The following LONP2 variants were observed in gnomAD, a reference collection of about 807,000 sequenced individuals.
The protein encoded by LONP2 is lon peptidase 2, peroxisomal.
In LONP2, 60 loss-of-function variants were observed where a neutral mutation model predicts 85.6. That is an observed-to-expected ratio of 0.70 (90% CI 0.57 to 0.87). The LOEUF is 0.87. LONP2 is among the 40% of genes least tolerant of loss of function. LONP2 has a pLI of 0.00. For synonymous variants in LONP2, 395 were observed against 389.7 expected (o/e 1.01, Z -0.16); for missense variants, 860 against 1,063.5 (o/e 0.81, Z 2.66).
rs553879354 is a variant in LONP2, at chr16:48,286,655, C to T, written c.1383+9176C>T. ...GAGTAGCTGGGACTACAGGCACACA[C>T]CAGCATGCCTGGCCAATTTTTTGTA... On this transcript the variant is annotated intron_variant, in intron 8 of 14. Coordinates refer to ENST00000285737, the MANE Select transcript of LONP2 (RefSeq NM_031490.5). Among the ~76,000 whole-genome samples, 11 of 152,124 alleles carry T rather than the reference C, an allele frequency of 7.2e-5. No homozygotes were observed. In the South Asian group the frequency reaches 2.3e-3, roughly 32 times the overall value.
intron 12 of LONP2, chr16:48,345,280 GTAT>G (rs1959926355): frequency 6.6e-6 from 1 of 152,170 alleles, no homozygotes; most frequent in Non-Finnish European, 1.5e-5. Flanking sequence ...GATACTTTTG[GTAT>G]TATTTTGACA....
At chr16:48,348,025 T>C (rs1357204307) in intron 13 of LONP2, 75 bp from the exon 14 acceptor site, 1 of 1,357,248 alleles carries the variant, frequency 7.4e-7, no homozygotes, top group African/African-American at 1.5e-5. Context: ...CATTTTTGTT[T>C]GTGACTTTTT....
At chr16:48,319,115 A>G (rs1973209009) in intron 11 of LONP2, among the ~76,000 whole-genome samples, 1 of 152,026 alleles carries the variant, frequency 6.6e-6, no homozygotes. Flanking sequence ...CATGGTGACT[A>G]ATGCCTGTAA....
chr16:48,327,560 C>T (rs755744865), intron 11 of LONP2, among the ~76,000 whole-genome samples: 5 of 152,036 alleles, frequency 3.3e-5, no homozygotes, highest in African/African-American at 1.2e-4. Flanking sequence ...CGGGTTCAAG[C>T]GATTCTCATG....
chr16:48,302,928 AT>A (rs1273408815), intron 10 of LONP2, among the ~76,000 whole-genome samples: 44 of 152,330 alleles, frequency 2.9e-4, no homozygotes, highest in African/African-American at 1.0e-3. Context: ...ACTAGGGTTC[AT>A]TTTTAAGTGT....
At chr16:48,297,208 G>C (rs866954228) in intron 9 of LONP2, among the ~76,000 whole-genome samples, 1 of 152,180 alleles carries the variant, frequency 6.6e-6, no homozygotes, top group African/African-American at 2.4e-5. Context: ...ATGTTGGCCA[G>C]TCTGGCCTCG....
At chr16:48,340,052 T>A (rs991076339) in intron 12 of LONP2, among the ~76,000 whole-genome samples, 1 of 152,208 alleles carries the variant, frequency 6.6e-6, no homozygotes, top group Non-Finnish European at 1.5e-5. Context: ...CCCAGGGTGA[T>A]AGCAGGGGCT....
intron 8 of LONP2, among the ~76,000 whole-genome samples, chr16:48,281,190 C>G (rs1262890470): frequency 2.0e-5 from 3 of 152,114 alleles, no homozygotes; most frequent in Non-Finnish European, 2.9e-5. Context: ...TAAATATACA[C>G]TAGAGTGCTT....
chr16:48,342,579 T>C (rs1434875420), intron 12 of LONP2, among the ~76,000 whole-genome samples: 1 of 152,222 alleles, frequency 6.6e-6, no homozygotes, highest in East Asian at 1.9e-4. Flanking sequence ...TTCTCAGCAA[T>C]GCAAGCATCA....
chr16:48,282,949 C>T (rs867891164), intron 8 of LONP2, among the ~76,000 whole-genome samples: 2 of 152,202 alleles, frequency 1.3e-5, no homozygotes, highest in Admixed American at 6.5e-5. Context: ...ATTAGAAATG[C>T]TATTCCAGTG....
intron 8 of LONP2, among the ~76,000 whole-genome samples, chr16:48,292,653 C>CACAAGAATTTGTGCTGA: frequency 6.6e-6 from 1 of 152,328 alleles, no homozygotes; most frequent in South Asian, 2.1e-4. Context: ...TTCTTAACAC[C>CACAAGAATTTGTGCTGA]AATCACAGAT....
intron 3 of LONP2, among the ~76,000 whole-genome samples, chr16:48,257,204 G>A (rs1011442244): frequency 2.0e-5 from 3 of 152,024 alleles, no homozygotes; most frequent in African/African-American, 7.3e-5. Context: ...CCAGCTACTC[G>A]AGAGGCTGAG....
chr16:48,334,643 A>G (rs2151024947), intron 12 of LONP2: 1 of 611,822 alleles, frequency 1.6e-6, no homozygotes, highest in East Asian at 3.4e-5. Flanking sequence ...TCACAGGCAC[A>G]GCATCAGGCG....
chr16:48,274,152 C>T (rs1312284228), intron 7 of LONP2, among the ~76,000 whole-genome samples: 1 of 152,076 alleles, frequency 6.6e-6, no homozygotes, highest in Non-Finnish European at 1.5e-5. Context: ...ATTTTAAGGC[C>T]TCAACCCAAG....
chr16:48,349,649 C>T (rs1158587243), intron 14 of LONP2, among the ~76,000 whole-genome samples: 1 of 152,076 alleles, frequency 6.6e-6, no homozygotes, highest in Non-Finnish European at 1.5e-5. Context: ...GAGAAAACCT[C>T]CTTTGAGAAC....
rs201723319 is a variant in LONP2 at position 48,315,963 on chromosome 16, ATT to A, written c.1795+12678_1795+12679del. The stretch of plus-strand genomic sequence containing the variant: ...TGAAGTTCTTAATTACCATATTGTA[ATT>A]TTTTTTTTTTTTTTTTTTTACTTTT... On this transcript the variant is annotated intron_variant, in intron 11 of 14. Transcript: ENST00000285737. Among the ~76,000 whole-genome samples, 400 of 107,590 alleles carry A rather than the reference ATT, an allele frequency of 3.7e-3. 3 individuals carry two copies. The highest frequency in any genetic ancestry group is 0.013 in the African/African-American group (358 of 27,380). The allele number at this position is 107,590 out of a possible 152,430, so 70.6% of individuals were successfully genotyped here.
chr16:48,248,191 A>G (rs1403379325), intron 1 of LONP2, among the ~76,000 whole-genome samples: 1 of 151,830 alleles, frequency 6.6e-6, no homozygotes, highest in Admixed American at 6.6e-5. Flanking sequence ...GTGCCATCTC[A>G]GCTCACTGCA....
At chr16:48,284,302 AG>A (rs1452860952) in intron 8 of LONP2, among the ~76,000 whole-genome samples, 1 of 152,260 alleles carries the variant, frequency 6.6e-6, no homozygotes, top group South Asian at 2.1e-4. Context: ...AGGCAGCAAC[AG>A]GGTTTGAAAG....
chr16:48,316,966 A>C (rs1228683767), intron 11 of LONP2, among the ~76,000 whole-genome samples: 1 of 152,068 alleles, frequency 6.6e-6, no homozygotes, highest in Non-Finnish European at 1.5e-5. Context: ...TACAGTACCA[A>C]CCTGTCACTC....
Sources: gnomAD v4.1 joint callset for allele counts (sites outside exome capture counted in the v4.1 genomes callset) on GRCh38, gnomAD v4.1.1 for gene constraint, MANE v1.5 for transcripts, NCBI Gene and HGNC (gene_info 2026-07-23, HGNC 2026-07-21) for gene names.